ANKRD28: variants seen among roughly 807,000 people sequenced by gnomAD.
ANKRD28 encodes the protein ankyrin repeat domain 28.
A neutral mutation model predicts 126.5 loss-of-function variants in ANKRD28; 44 were observed. That is an observed-to-expected ratio of 0.35 (90% CI 0.27 to 0.45). The LOEUF (loss-of-function observed/expected upper bound fraction) is 0.45. Among genes scored for constraint, ANKRD28 ranks in the 20% least tolerant of loss-of-function variants. ANKRD28 has a pLI of 1.00. For synonymous variants in ANKRD28, 442 were observed against 468.5 expected, an observed-to-expected ratio of 0.94 and a Z score of 0.73; for missense variants, 1,110 against 1,316.6, an observed-to-expected ratio of 0.84 and a Z score of 2.43.
At chr3:15,852,346 T>C (rs2061670407) in intron 1 of ANKRD28, among the ~76,000 whole-genome samples, 1 of 152,214 alleles carries the variant, frequency 6.6e-6, no homozygotes, top group South Asian at 2.1e-4. Flanking sequence ...AGGAAATAAA[T>C]GTAATTCTCA....
intron 1 of ANKRD28, among the ~76,000 whole-genome samples, chr3:15,848,802 G>C (rs1181038400): frequency 1.3e-5 from 2 of 152,116 alleles, no homozygotes; most frequent in Non-Finnish European, 2.9e-5. Context: ...GAAAGATCAT[G>C]AACAAGACAA....
In ANKRD28 at chr3:15,839,381, A is replaced by T. The variant is rs2061386383; in HGVS notation, c.27+19996T>A. 6.6e-6 allele frequency among the ~76,000 whole-genome samples: 1 copy of T among 152,188 alleles called. No individual in the cohort carries two copies. The highest frequency in any genetic ancestry group is 1.5e-5 in the Non-Finnish European group (1 of 68,038). On this transcript the variant is annotated intron_variant, in intron 1 of 27. Coordinates refer to the ANKRD28 transcript ENST00000399451. The surrounding 1 kb of genome is among the most constrained non-coding windows in gnomAD (Gnocchi z 4.3). ...GCTGTAGAAGACATAACAAAAAACA[A>T]CTGAATTACAGCTGGAGAGAACCAA...
rs774162421 is a variant in ANKRD28, at chr3:15,797,817, CACT to C, written c.-1299_-1297del. 4.1e-6 allele frequency: 4 copies of C among 985,226 alleles called. No individual in the cohort carries two copies. The highest frequency in any genetic ancestry group is 4.8e-6 in the Non-Finnish European group (4 of 829,924). The allele number at this position is 985,226 out of a possible 1,614,324, so 61.0% of individuals were successfully genotyped here. A position where few individuals can be genotyped will look rare whatever the true frequency, so the allele number is the denominator to read the frequency against. ...TTCCTCAGATGATCTTGCAAAACAC[CACT>C]GACATCCCCAAATGAGTAGGTCCTT... On this transcript the variant is annotated 5_prime_UTR_variant, in exon 1 of 28. Coordinates refer to ENST00000683139, the MANE Select transcript of ANKRD28 (RefSeq NM_001349278.2).
At chr3:15,697,878 G>C (rs2069895220) in intron 14 of ANKRD28, among the ~76,000 whole-genome samples, 1 of 152,038 alleles carries the variant, frequency 6.6e-6, no homozygotes, top group Non-Finnish European at 1.5e-5. Context: ...TTATTTGTTT[G>C]GTAGGCTATT....
chr3:15,748,674 G>A (rs538162738), intron 4 of ANKRD28, among the ~76,000 whole-genome samples: 2 of 152,250 alleles, frequency 1.3e-5, no homozygotes, highest in Admixed American at 6.5e-5. Flanking sequence ...GTACCTAGGT[G>A]ATAATCTTTC....
rs181077309 is a variant in ANKRD28, at chr3:15,816,171, T to A, written c.28-20865A>T. On this transcript the variant is annotated intron_variant, in intron 1 of 27. Coordinates refer to the ANKRD28 transcript ENST00000399451. This position sits in a 1 kb window ranked among gnomAD's most constrained non-coding sequence, Gnocchi z 5.0. ...TTGATGCTTATCAGGCAACATGTAA[T>A]TGCAATGATTTTCATTGTATTAACT... 5.1e-4 allele frequency among the ~76,000 whole-genome samples: 78 copies of A among 152,312 alleles called. No homozygotes were observed. Among genetic ancestry groups the A allele is most frequent in the Non-Finnish European group, 9.6e-4 (65 of 68,014 alleles).
chr3:15,725,637 C>T (rs2074099956), intron 6 of ANKRD28, among the ~76,000 whole-genome samples: 1 of 152,060 alleles, frequency 6.6e-6, no homozygotes, highest in South Asian at 2.1e-4. Context: ...GTTATTCTTG[C>T]CAATATTTCA....
rs566110175 is a variant in ANKRD28 at position 15,836,359 on chromosome 3, T to TA, written c.27+23017dup. Among the ~76,000 whole-genome samples the TA allele has an allele frequency of 1.5e-3, 234 of 151,980 alleles. 3 individuals are homozygous for TA. Among genetic ancestry groups the TA allele is most frequent in the African/African-American group, 5.4e-3 (224 of 41,474 alleles). ...AGGTAGACTGTGATGGAACAAACGCTAAAAATATAATTTTTAAAAATCAAA... is the reference window on the plus strand; with the variant it reads ...AGGTAGACTGTGATGGAACAAACGCTAAAAAATATAATTTTTAAAAATCAAA... On this transcript the variant is annotated intron_variant, in intron 1 of 27. Coordinates refer to the ANKRD28 transcript ENST00000399451.
intron 1 of ANKRD28, among the ~76,000 whole-genome samples, chr3:15,820,108 A>G (rs1399197079): frequency 6.6e-6 from 1 of 152,242 alleles, no homozygotes; most frequent in East Asian, 1.9e-4. Context: ...GGTAGGAAAC[A>G]TGATGAATCA....
intron 3 of ANKRD28, among the ~76,000 whole-genome samples, chr3:15,762,214 CAAAACAAAAAAAAAAA>C (rs2058515213): frequency 3.8e-5 from 2 of 52,554 alleles, no homozygotes; most frequent in Admixed American, 2.3e-4. Flanking sequence ...AAAAAAAAAA[CAAAACAAAAAAAAAAA>C]AACTCTCCTG....
Position 15,721,136 on chromosome 3 carries a change from A to G in ANKRD28, c.784-9T>C. 6.3e-7 allele frequency: 1 copy of G among 1,599,366 alleles called. No homozygotes were observed. Among genetic ancestry groups the G allele is most frequent in the South Asian group, 1.1e-5 (1 of 88,402 alleles). The stretch of plus-strand genomic sequence containing the variant: ...GCATTTGGTTCATTCATCTATTAGA[A>G]GGGAAAAAAATGCGAATGTTAAAGT... On this transcript the variant is annotated splice_polypyrimidine_tract_variant and intron_variant, in intron 7 of 27. Transcript: ENST00000683139.
At chr3:15,720,246 T>C (rs985185723) in intron 8 of ANKRD28, among the ~76,000 whole-genome samples, 3 of 152,164 alleles carry the variant, frequency 2.0e-5, no homozygotes, top group African/African-American at 7.2e-5. Context: ...CAACTATTCC[T>C]TATGTGCAAC....
At chr3:15,718,001 T>C (rs749898423) in intron 8 of ANKRD28, among the ~76,000 whole-genome samples, 1 of 152,074 alleles carries the variant, frequency 6.6e-6, no homozygotes, top group Admixed American at 6.6e-5. Flanking sequence ...GGTAAGAATA[T>C]GAGGGTTAGT....
At chr3:15,734,688 T>C (rs895042403) in intron 6 of ANKRD28, among the ~76,000 whole-genome samples, 37 of 152,370 alleles carry the variant, frequency 2.4e-4, no homozygotes, top group African/African-American at 8.7e-4. Flanking sequence ...CTTAGAGATC[T>C]ACCTTCCTCG....
At position 15,845,886 on chromosome 3, in the gene ANKRD28, C is replaced by T. The variant is rs182429452; in HGVS notation, c.27+13491G>A. Among the ~76,000 whole-genome samples, 5 of 152,220 alleles carry T rather than the reference C, an allele frequency of 3.3e-5. No homozygotes were observed. The East Asian group carries it at 9.7e-4, about 29-fold the overall frequency. On this transcript the variant is annotated intron_variant, in intron 1 of 27. Coordinates refer to the ANKRD28 transcript ENST00000399451. This position sits in a 1 kb window ranked among gnomAD's most constrained non-coding sequence, Gnocchi z 4.9. ...TAAACCATTGCATCTCGTGAAAACT[C>T]GCTCACTATCAAGAGAACAGCAAGG...
upstream of ANKRD28, chr3:15,798,305 A>C: frequency 3.9e-6 from 1 of 255,088 alleles, no homozygotes. Context: ...ACTCATAAAA[A>C]AGGTTTAAAG....
intron 5 of ANKRD28, among the ~76,000 whole-genome samples, chr3:15,736,207 A>C (rs1232794608): frequency 6.6e-6 from 1 of 152,204 alleles, no homozygotes; most frequent in Non-Finnish European, 1.5e-5. Context: ...GATAGACTAC[A>C]TTCATGTAAC....
At chr3:15,723,112 A>T (rs1431659945) in intron 7 of ANKRD28, among the ~76,000 whole-genome samples, 1 of 152,188 alleles carries the variant, frequency 6.6e-6, no homozygotes, top group East Asian at 1.9e-4. Flanking sequence ...ATCAGAAACA[A>T]AGTTGCCTCA....
intron 1 of ANKRD28, among the ~76,000 whole-genome samples, chr3:15,818,770 G>A (rs1395051999): frequency 1.3e-5 from 2 of 152,142 alleles, no homozygotes; most frequent in African/African-American, 2.4e-5. Context: ...GGAAACTACT[G>A]TACCATGCTC....
Sources: gnomAD v4.1 joint callset for allele counts (sites outside exome capture counted in the v4.1 genomes callset) on GRCh38, gnomAD v4.1.1 for gene constraint, Gnocchi (gnomAD v3.1) non-coding constraint, MANE v1.5 for transcripts, NCBI Gene and HGNC (gene_info 2026-07-23, HGNC 2026-07-21) for gene names.